Variants in SORL1 observed in about 807,000 individuals in gnomAD.
SORL1 encodes the protein sortilin-related receptor.
In SORL1, 127 loss-of-function variants were observed where a neutral mutation model predicts 273.7. That is an observed-to-expected ratio of 0.46 (90% CI 0.40 to 0.54). The LOEUF is 0.54. SORL1 is among the 20% of genes least tolerant of loss of function. The pLI, the probability that SORL1 is intolerant of heterozygous loss-of-function variation, is 0.00. For synonymous variants in SORL1, 1,031 were observed against 1,067.4 expected (o/e 0.97, Z 0.66); for missense variants, 2,494 against 2,846.1 (o/e 0.88, Z 2.81).
intron 3 of SORL1, among the ~76,000 whole-genome samples, chr11:121,480,256 G>A (rs1337612370): frequency 6.6e-6 from 1 of 151,936 alleles, no homozygotes; most frequent in Non-Finnish European, 1.5e-5. Flanking sequence ...ATGTATGTAT[G>A]TTTTTAAACA....
Position 121,595,831 on chromosome 11 carries a change from G to C in SORL1, c.4519+59G>C. 6.4e-7 allele frequency: 1 copy of C among 1,556,758 alleles called. No individual in the cohort carries two copies. Among genetic ancestry groups the C allele is most frequent in the East Asian group, 2.3e-5 (1 of 44,392 alleles). ...ACGTTTCTGCAGAGAGCACAGTTCT[G>C]GTGCTTCTGCTTCATTTCTGGATCA... On this transcript the variant is annotated intron_variant, in intron 32 of 47. Transcript: ENST00000260197. The surrounding 1 kb of genome is among the most constrained non-coding windows in gnomAD (Gnocchi z 5.1).
chr11:121,591,595 C>T (rs971140777), intron 31 of SORL1, among the ~76,000 whole-genome samples: 6 of 152,126 alleles, frequency 3.9e-5, no homozygotes, highest in African/African-American at 1.2e-4. Context: ...GTAAGCACTG[C>T]CATCTAGTGG....
intron 4 of SORL1, 87 bp from the exon 5 acceptor site, chr11:121,489,956 A>C: frequency 1.1e-6 from 1 of 942,708 alleles, no homozygotes; most frequent in Non-Finnish European, 1.7e-6. Context: ...GTGTCATGGA[A>C]GGTGGGATTT....
At chr11:121,476,220 C>T (rs993037364) in intron 2 of SORL1, among the ~76,000 whole-genome samples, 4 of 152,138 alleles carry the variant, frequency 2.6e-5, no homozygotes, top group Non-Finnish European at 4.4e-5. Flanking sequence ...CATTCTTGGC[C>T]GGCAGAATAG....
At chr11:121,511,089 G>T (rs2134841952) in intron 6 of SORL1, among the ~76,000 whole-genome samples, 2 of 152,096 alleles carry the variant, frequency 1.3e-5, no homozygotes, top group South Asian at 4.2e-4. Flanking sequence ...AAACAATACA[G>T]TAACTCTTTA....
At chr11:121,532,376 C>T (rs750069256) in intron 11 of SORL1, 88 bp from the exon 12 acceptor site, 44 of 1,156,184 alleles carry the variant, frequency 3.8e-5, no homozygotes, top group East Asian at 7.1e-5. Flanking sequence ...TCTATGTGCA[C>T]GTGTGTGCAT....
chr11:121,515,013 A>G (rs184267289), intron 8 of SORL1, among the ~76,000 whole-genome samples: 1 of 150,542 alleles, frequency 6.6e-6, no homozygotes, highest in East Asian at 1.9e-4. Context: ...GCTCTTGGAA[A>G]GAGTCTCCCG....
intron 12 of SORL1, among the ~76,000 whole-genome samples, chr11:121,535,689 G>A (rs1387768644): frequency 2.7e-5 from 4 of 148,652 alleles, no homozygotes; most frequent in South Asian, 2.1e-4. Flanking sequence ...TTTTTTGGTC[G>A]ATGTTCTTTT....
At chr11:121,513,374 C>T (rs1265909998) in intron 7 of SORL1, among the ~76,000 whole-genome samples, 1 of 152,128 alleles carries the variant, frequency 6.6e-6, no homozygotes, top group Non-Finnish European at 1.5e-5. Context: ...ATCTGAGCAA[C>T]GTGCCAGTAC....
rs748902104 is a variant in SORL1 at position 121,520,711 on chromosome 11, A to G, written c.1266A>G (p.Gly422=). 2.5e-6 allele frequency: 4 copies of G among 1,606,854 alleles called. No homozygotes were observed. In the Admixed American group the frequency reaches 6.8e-5, roughly 27 times the overall value. Reference sequence around the variant, plus strand: ...TCCACCGAGTGGAAGGATTGCAAGGAGTCTACATTGCTACTCTGATTAATG... The same window carrying G: ...TCCACCGAGTGGAAGGATTGCAAGGGGTCTACATTGCTACTCTGATTAATG... The part of the protein sequence containing the change: ...ADFHRVEGLQ[G]VYIATLINGS... Residue 422 remains glycine, a synonymous_variant, in exon 9 of 48, where the codon GGA becomes GGG. Coordinates refer to ENST00000260197, the MANE Select transcript of SORL1 (RefSeq NM_003105.6).
intron 2 of SORL1, among the ~76,000 whole-genome samples, chr11:121,471,646 C>T (rs573536643): frequency 7.2e-5 from 11 of 152,326 alleles, no homozygotes; most frequent in Non-Finnish European, 1.2e-4. Flanking sequence ...TTCTTGAATG[C>T]GGATTTGGTC....
At chr11:121,605,084 G>C in intron 33 of SORL1, 29 bp from the exon 34 acceptor site, 1 of 1,588,714 alleles carries the variant, frequency 6.3e-7, no homozygotes, top group Non-Finnish European at 8.6e-7. Context: ...ATGTAACTTT[G>C]TTTGTCTTTT....
At chr11:121,481,195 C>T (rs1861377889) in intron 3 of SORL1, among the ~76,000 whole-genome samples, 1 of 113,246 alleles carries the variant, frequency 8.8e-6, no homozygotes, top group African/African-American at 3.9e-5. Flanking sequence ...TCCATCTCCT[C>T]CTCCCCAGCT....
chr11:121,495,799 G>A (rs1380243226), intron 5 of SORL1, among the ~76,000 whole-genome samples: 1 of 152,046 alleles, frequency 6.6e-6, no homozygotes, highest in Non-Finnish European at 1.5e-5. Flanking sequence ...TTTTCATTTT[G>A]GATTAGCTTC....
In SORL1 at chr11:121,612,757, C is replaced by T. The variant is rs374548841; in HGVS notation, c.5344C>T (p.Leu1782Phe). 2.5e-6 allele frequency: 4 copies of T among 1,613,850 alleles called. No individual in the cohort carries two copies. In the African/African-American group the frequency reaches 4.0e-5, roughly 16 times the overall value. ...DIKVNGYVVN[L>F]FWAFDTHKQE... Reference sequence around the variant, plus strand: ...GCAGGTGAATGGCTATGTGGTGAACCTTTTCTGGGCATTTGACACCCACAA... The same window carrying T: ...GCAGGTGAATGGCTATGTGGTGAACTTTTTCTGGGCATTTGACACCCACAA... Residue 1782 changes from leucine (L) to phenylalanine (F), a missense_variant, in exon 40 of 48, where the codon CTT (leucine) becomes TTT (phenylalanine). By Grantham distance (22) the Leu-to-Phe change is conservative. Around this residue, in one of 3 missense-constraint regions of SORL1, gnomAD observed 1,609 missense variants for 1,816.4 expected, o/e 0.89. Coordinates refer to ENST00000260197, the MANE Select transcript of SORL1 (RefSeq NM_003105.6).
chr11:121,622,370 AAAG>A (rs1055183635), intron 45 of SORL1, 102 bp downstream of exon 45: 23 of 634,714 alleles, frequency 3.6e-5, no homozygotes, highest in African/African-American at 5.5e-5. Flanking sequence ...GTGTAAAAAA[AAAG>A]AAAGAAAAAG....
chr11:121,506,144 A>G (rs1188677889), intron 6 of SORL1, among the ~76,000 whole-genome samples: 2 of 152,062 alleles, frequency 1.3e-5, no homozygotes, highest in Admixed American at 1.3e-4. Context: ...AGGTGCATAT[A>G]TGTTTATGAT....
chr11:121,489,911 C>T (rs1045951943), intron 4 of SORL1, 132 bp from the exon 5 acceptor site: 4 of 679,490 alleles, frequency 5.9e-6, no homozygotes, highest in Non-Finnish European at 1.1e-5. Context: ...ACTGAGCTGG[C>T]TTTGGCAGTC....
intron 25 of SORL1, among the ~76,000 whole-genome samples, chr11:121,580,825 G>A (rs538577418): frequency 6.6e-6 from 1 of 151,558 alleles, no homozygotes; most frequent in Non-Finnish European, 1.5e-5. Flanking sequence ...GGCTGGTCTC[G>A]AACTCCTGGG....
Sources: allele counts gnomAD v4.1 joint callset (sites outside exome capture counted in the v4.1 genomes callset), GRCh38; gene constraint gnomAD v4.1.1; regional missense constraint gnomAD v4.1.1; non-coding constraint Gnocchi (gnomAD v3.1); transcripts MANE v1.5; gene names NCBI Gene and HGNC (gene_info 2026-07-23, HGNC 2026-07-21).